The following MTBP variants were observed in gnomAD, a reference collection of about 807,000 sequenced individuals.
The protein encoded by MTBP is MDM2 binding protein.
Under a neutral mutation model 117.0 loss-of-function variants are expected in MTBP, and 101 were observed. The ratio of observed to expected loss-of-function variants is 0.86; its 90% confidence interval spans 0.73 to 1.02. The LOEUF is 1.02. Ranked by LOEUF, MTBP falls within the 50% of genes least tolerant of loss-of-function variation. The pLI, the probability that MTBP is intolerant of heterozygous loss-of-function variation, is 0.00. For missense variants in MTBP, 970 were observed against 1,030.9 expected, an observed-to-expected ratio of 0.94 and a Z score of 0.81; for synonymous variants, 350 against 351.5, an observed-to-expected ratio of 1.00 and a Z score of 0.05.
At chr8:120,462,130 C>T (rs746121475) in intron 9 of MTBP, among the ~76,000 whole-genome samples, 6 of 152,072 alleles carry the variant, frequency 3.9e-5, no homozygotes, top group African/African-American at 9.7e-5. Context: ...AAAGACCTTA[C>T]GTATCATGAT....
At chr8:120,485,626 TCA>T (rs2130575237) in intron 11 of MTBP, among the ~76,000 whole-genome samples, 1 of 152,344 alleles carries the variant, frequency 6.6e-6, no homozygotes, top group Non-Finnish European at 1.5e-5. Flanking sequence ...CTGGGACCTC[TCA>T]CAAGTATTTT....
intron 5 of MTBP, among the ~76,000 whole-genome samples, 191 bp from the exon 6 acceptor site, chr8:120,455,244 T>A (rs1202683126): frequency 6.6e-6 from 1 of 152,016 alleles, no homozygotes; most frequent in Non-Finnish European, 1.5e-5. Flanking sequence ...TTTAAAAAGT[T>A]TGAATTCCTA....
intron 11 of MTBP, among the ~76,000 whole-genome samples, chr8:120,478,506 G>C (rs755369349): frequency 6.6e-6 from 1 of 151,942 alleles, no homozygotes. Context: ...TATAATTCTA[G>C]ATGTTTGATA....
chr8:120,446,118 A>G (rs4242314), intron 1 of MTBP, among the ~76,000 whole-genome samples: 80,549 of 152,100 alleles, frequency 0.53, 24,610 homozygotes, highest in Non-Finnish European at 0.67. Context: ...GTTTCGATCA[A>G]ACAGGCATTT....
At chr8:120,445,700 C>A in intron 1 of MTBP, 112 bp downstream of exon 1, 1 of 823,578 alleles carries the variant, frequency 1.2e-6, no homozygotes, top group Non-Finnish European at 1.9e-6. Context: ...TCCCACGAAG[C>A]TGGGACTCTA....
intron 17 of MTBP, among the ~76,000 whole-genome samples, chr8:120,514,025 AT>A (rs5894524): frequency 0.53 from 80,150 of 151,530 alleles, 24,475 homozygotes; most frequent in Non-Finnish European, 0.67. Flanking sequence ...TAGATCAGAG[AT>A]TTTTCAGTCC....
At chr8:120,511,922 T>C (rs1814818439) in intron 17 of MTBP, among the ~76,000 whole-genome samples, 1 of 152,170 alleles carries the variant, frequency 6.6e-6, no homozygotes, top group South Asian at 2.1e-4. Flanking sequence ...ATATTGACTC[T>C]GCTATGAAGA....
chr8:120,516,019 A>G lies in MTBP; in HGVS notation c.2074A>G (p.Thr692Ala), dbSNP rs781453661. ...LIRYETQTTC[T>A]RESFPVPTVL... ...TCGTTATGAAACTCAAACTACCTGC[A>G]CCAGAGAAAGTTTTCCAGTACCTAC... Residue 692 changes from threonine (T) to alanine (A), a missense_variant, in exon 18 of 22, where the codon ACC (threonine) becomes GCC (alanine). Transcript: ENST00000305949. The G allele has an allele frequency of 3.1e-6, 5 of 1,612,968 alleles. No homozygotes were observed. In the African/African-American group the frequency reaches 5.3e-5, roughly 17 times the overall value.
rs1001426206 is a variant in MTBP at position 120,455,563 on chromosome 8, G to C, written c.613G>C (p.Gly205Arg). 2.0e-5 allele frequency: 32 copies of C among 1,608,458 alleles called. No homozygotes were observed. The highest frequency in any genetic ancestry group is 2.5e-5 in the Non-Finnish European group (30 of 1,178,538). Reference protein sequence around the residue: ...EWYSAKITIAGNHCEINCQKI... With the variant: ...EWYSAKITIARNHCEINCQKI... Reference sequence around the variant, plus strand: ...GTATTCAGCAAAGATCACTATAGCAGGAAATCATTGTGAAATGTAAGCTTC... The same window carrying C: ...GTATTCAGCAAAGATCACTATAGCACGAAATCATTGTGAAATGTAAGCTTC... Residue 205 changes from glycine to arginine, a missense_variant, in exon 6 of 22, where the codon GGA (glycine) becomes CGA (arginine). Coordinates refer to ENST00000305949, the MANE Select transcript of MTBP (RefSeq NM_022045.5).
intron 5 of MTBP, 93 bp from the exon 6 acceptor site, chr8:120,455,342 A>G (rs1813445684): frequency 3.2e-6 from 2 of 626,414 alleles, no homozygotes; most frequent in South Asian, 3.3e-5. Context: ...ATTTTTCTAA[A>G]TAAACATAAA....
intron 7 of MTBP, among the ~76,000 whole-genome samples, chr8:120,458,275 C>T (rs372850568): frequency 1.2e-4 from 18 of 152,206 alleles, no homozygotes; most frequent in African/African-American, 3.6e-4. Context: ...TCTAGTTTAA[C>T]GTAGCATGTT....
chr8:120,461,313 T>A, intron 9 of MTBP, 58 bp downstream of exon 9: 2 of 1,201,646 alleles, frequency 1.7e-6, no homozygotes, highest in Non-Finnish European at 2.4e-6. Context: ...GGTAGAATGT[T>A]CTGGTATTGT....
chr8:120,485,056 A>G (rs975732466), intron 11 of MTBP, among the ~76,000 whole-genome samples: 2 of 152,170 alleles, frequency 1.3e-5, no homozygotes, highest in African/African-American at 4.8e-5. Flanking sequence ...TTATTTATCC[A>G]CACATCAGTT....
At chr8:120,469,513 G>T (rs1563790281) in intron 10 of MTBP, among the ~76,000 whole-genome samples, 1 of 152,110 alleles carries the variant, frequency 6.6e-6, no homozygotes. Flanking sequence ...CATCTTCAAG[G>T]CTCTCGTCTC....
intron 11 of MTBP, among the ~76,000 whole-genome samples, chr8:120,484,554 G>T (rs1176059847): frequency 1.3e-5 from 2 of 151,984 alleles, no homozygotes; most frequent in African/African-American, 2.4e-5. Flanking sequence ...TTTGCTGTGT[G>T]GTTGTCTATA....
Position 120,517,772 on chromosome 8 carries a change from G to T in MTBP, c.2247-79G>T. On this transcript the variant is annotated intron_variant, in intron 18 of 21. Transcript: ENST00000305949. Reference sequence around the variant, plus strand: ...GTTGATTCACTTAATGGATATAGTTGTAATATTTAAGACAGAAAATGAACT... The same window carrying T: ...GTTGATTCACTTAATGGATATAGTTTTAATATTTAAGACAGAAAATGAACT... 3 of 1,404,572 alleles carry T rather than the reference G, an allele frequency of 2.1e-6. No individual in the cohort carries two copies. The South Asian group carries it at 4.0e-5, about 19-fold the overall frequency. The allele number at this position is 1,404,572 out of a possible 1,614,324, so 87.0% of individuals were successfully genotyped here. A position where few individuals can be genotyped will look rare whatever the true frequency, so the allele number is the denominator to read the frequency against.
intron 21 of MTBP, 63 bp downstream of exon 21, chr8:120,522,782 C>A: frequency 1.6e-6 from 2 of 1,280,330 alleles, no homozygotes; most frequent in Non-Finnish European, 2.2e-6. Context: ...CAGGGTTGCT[C>A]TGATGCCATT....
chr8:120,485,194 T>C lies in MTBP; in HGVS notation c.1166-2965T>C, dbSNP rs192977150. The stretch of plus-strand genomic sequence containing the variant: ...GGAATTGCTGGGCTTCGTCTTTTTT[T>C]CAGTGTCTTAAGGTAGAAGGTTAGC... On this transcript the variant is annotated intron_variant, in intron 11 of 21. Transcript: ENST00000305949. Among the ~76,000 whole-genome samples the C allele has an allele frequency of 2.3e-3, 345 of 152,322 alleles. 2 individuals carry two copies. Among genetic ancestry groups the C allele is most frequent in the African/African-American group, 7.6e-3 (314 of 41,586 alleles).
chr8:120,455,330 T>A, intron 5 of MTBP, 105 bp from the exon 6 acceptor site: 1 of 580,126 alleles, frequency 1.7e-6, no homozygotes, highest in Non-Finnish European at 2.8e-6. Context: ...AATATAAAAC[T>A]AATTTTTCTA....
Sources: gnomAD v4.1 joint callset for allele counts (sites outside exome capture counted in the v4.1 genomes callset) on GRCh38, gnomAD v4.1.1 for gene constraint, MANE v1.5 for transcripts, NCBI Gene and HGNC (gene_info 2026-07-23, HGNC 2026-07-21) for gene names.